KIF13B: variants seen among roughly 807,000 people sequenced by gnomAD.
The protein encoded by KIF13B is kinesin family member 13B.
Under a neutral mutation model 222.0 loss-of-function variants are expected in KIF13B, and 127 were observed. The ratio of observed to expected loss-of-function variants is 0.57; its 90% CI spans 0.50 to 0.66. The LOEUF is 0.66. Among genes scored for constraint, KIF13B ranks in the 30% least tolerant of loss-of-function variants. KIF13B has a pLI of 0.00. For synonymous variants in KIF13B, 976 were observed against 919.0 expected, an observed-to-expected ratio of 1.06 and a Z score of -1.12; for missense variants, 2,173 against 2,379.0, an observed-to-expected ratio of 0.91 and a Z score of 1.80.
Position 29,118,849 on chromosome 8 carries a change from CAA to C in KIF13B, c.3660+17_3660+18del. 6.2e-7 allele frequency: 1 copy of C among 1,612,538 alleles called. No individual in the cohort carries two copies. The highest frequency in any genetic ancestry group is 8.5e-7 in the Non-Finnish European group (1 of 1,179,314). ...GAAACCACTTTTCATCTGACCATCC[CAA>C]GTTAGGCTTTCCTTACCTCCCCATC... On this transcript the variant is annotated intron_variant, in intron 30 of 39. Transcript: ENST00000524189.
chr8:29,258,657 A>G (rs187044883), intron 1 of KIF13B, among the ~76,000 whole-genome samples: 136 of 152,144 alleles, frequency 8.9e-4, no homozygotes, highest in Middle Eastern at 3.4e-3. Flanking sequence ...CTCTCAGGCC[A>G]TACTTCCTCC....
chr8:29,139,810 CCAGCAGGT>C (rs1486159296), intron 21 of KIF13B, among the ~76,000 whole-genome samples: 11 of 152,106 alleles, frequency 7.2e-5, no homozygotes, highest in African/African-American at 1.2e-4. Flanking sequence ...TTCTCAGCCA[CCAGCAGGT>C]CTGGCTCACT....
intron 21 of KIF13B, among the ~76,000 whole-genome samples, chr8:29,139,593 T>A (rs549060686): frequency 6.6e-6 from 1 of 152,306 alleles, no homozygotes; most frequent in South Asian, 2.1e-4. Flanking sequence ...GGCTGACACG[T>A]AACTTACTCC....
At chr8:29,184,071 T>C (rs776663801) in intron 6 of KIF13B, among the ~76,000 whole-genome samples, 2 of 152,170 alleles carry the variant, frequency 1.3e-5, no homozygotes, top group African/African-American at 2.4e-5. Context: ...AAAGTAGATA[T>C]AGAATATTTG....
At chr8:29,127,050 C>T (rs923139391) in intron 25 of KIF13B, 72 bp downstream of exon 25, 3 of 1,392,414 alleles carry the variant, frequency 2.2e-6, no homozygotes, top group South Asian at 2.6e-5. Context: ...AAAGTAGTTT[C>T]GTACGGGTTC....
At chr8:29,112,774 G>T (rs1188591533) in intron 32 of KIF13B, among the ~76,000 whole-genome samples, 1 of 152,218 alleles carries the variant, frequency 6.6e-6, no homozygotes, top group Non-Finnish European at 1.5e-5. Context: ...GCACCTGGGT[G>T]AATGAATACA....
intron 2 of KIF13B, among the ~76,000 whole-genome samples, chr8:29,240,420 A>C (rs1348466757): frequency 6.6e-6 from 1 of 152,186 alleles, no homozygotes; most frequent in Non-Finnish European, 1.5e-5. Flanking sequence ...AAATTCAAGA[A>C]AGTGGTTAAC....
chr8:29,202,063 A>G (rs1262729803), intron 2 of KIF13B, among the ~76,000 whole-genome samples: 1 of 152,232 alleles, frequency 6.6e-6, no homozygotes, highest in Non-Finnish European at 1.5e-5. Flanking sequence ...GATAAATTCT[A>G]ATAGCAACAT....
At chr8:29,159,077 C>G (rs535613341) in intron 13 of KIF13B, among the ~76,000 whole-genome samples, 28 of 152,316 alleles carry the variant, frequency 1.8e-4, no homozygotes, top group Admixed American at 2.6e-4. Flanking sequence ...CGGTCACATT[C>G]ATATGAATAT....
chr8:29,081,882 T>C (rs1807831352), intron 37 of KIF13B, among the ~76,000 whole-genome samples: 1 of 152,262 alleles, frequency 6.6e-6, no homozygotes. Flanking sequence ...TGGAATTTTG[T>C]GTCTGGTCTT....
At position 29,072,047 on chromosome 8, in the gene KIF13B, G is replaced by C. The variant is rs1378583184; in HGVS notation, c.4791C>G (p.Thr1597=). 2.3e-6 allele frequency: 3 copies of C among 1,302,014 alleles called. No homozygotes were observed. The East Asian group carries it at 9.4e-5, about 41-fold the overall frequency. 80.7% of individuals were successfully genotyped at this position (1,302,014 alleles called of 1,614,324 possible). Residue 1597 remains threonine (T), a synonymous_variant, in exon 39 of 40, where the codon ACC becomes ACG. Transcript: ENST00000524189. ...GCGCCTCGGGCTCGGCCTCAGGGGC[G>C]GTGGGCATGGACCCCGGCGGGGCCG... ...DAAAPPGSMP[T]APEAEPEAPI... is the part of the protein sequence containing the mutation.
intron 12 of KIF13B, among the ~76,000 whole-genome samples, chr8:29,163,558 A>G (rs20516): frequency 0.52 from 78,817 of 152,132 alleles, 21,814 homozygotes; most frequent in Non-Finnish European, 0.63. Context: ...CAGAAGACTT[A>G]TTAACACTTT....
chr8:29,186,969 CAAAA>C (rs766708048), intron 5 of KIF13B, among the ~76,000 whole-genome samples: 2 of 68,672 alleles, frequency 2.9e-5, no homozygotes, highest in African/African-American at 5.3e-5. Context: ...ACTCCATCTC[CAAAA>C]AAAAAAAAAA....
At chr8:29,191,328 T>C (rs76903880) in intron 3 of KIF13B, among the ~76,000 whole-genome samples, 1,773 of 152,230 alleles carry the variant, frequency 0.012, 15 homozygotes, top group Non-Finnish European at 0.019. Context: ...ATTACATCTA[T>C]AGTTTATTTT....
chr8:29,234,280 C>T (rs1262714768), intron 2 of KIF13B, among the ~76,000 whole-genome samples: 3 of 151,834 alleles, frequency 2.0e-5, no homozygotes, highest in Non-Finnish European at 2.9e-5. Flanking sequence ...GTCCGTCGGC[C>T]GATGAATGGA....
At chr8:29,231,812 T>A (rs993340197) in intron 2 of KIF13B, among the ~76,000 whole-genome samples, 3 of 152,148 alleles carry the variant, frequency 2.0e-5, no homozygotes, top group African/African-American at 7.2e-5. Context: ...CATATATGTG[T>A]ATATGTAAAC....
In KIF13B at chr8:29,092,839, T is replaced by C. The variant is rs1246004618; in HGVS notation, c.4364A>G (p.Lys1455Arg). Residue 1455 changes from lysine to arginine, a missense_variant, in exon 37 of 40, where the codon AAA becomes AGA. By Grantham distance (26) the Lys-to-Arg change is conservative (BLOSUM62 2). Transcript: ENST00000524189. ...CTTTGGCATTTGCGGCACGAAGGATTTGACAGGATTCAAGTAGGATGCTGC... is the reference window on the plus strand; with the variant it reads ...CTTTGGCATTTGCGGCACGAAGGATCTGACAGGATTCAAGTAGGATGCTGC... Reference protein sequence around the residue: ...NLAASYLNPVKSFVPQMPKLL... With the variant: ...NLAASYLNPVRSFVPQMPKLL... The C allele has an allele frequency of 4.3e-6, 7 of 1,612,418 alleles. No individual in the cohort carries two copies. Among genetic ancestry groups the C allele is most frequent in the African/African-American group, 1.3e-5 (1 of 74,876 alleles).
intron 2 of KIF13B, among the ~76,000 whole-genome samples, chr8:29,206,425 C>A (rs538844427): frequency 5.5e-4 from 84 of 152,322 alleles, no homozygotes; most frequent in African/African-American, 2.0e-3. Context: ...CTGAAATTCA[C>A]TATAATTACT....
At chr8:29,253,548 T>G (rs1381202999) in intron 1 of KIF13B, among the ~76,000 whole-genome samples, 1 of 151,924 alleles carries the variant, frequency 6.6e-6, no homozygotes, top group Non-Finnish European at 1.5e-5. Flanking sequence ...AGAATGAGAC[T>G]CCATCTCTAA....
Sources: allele counts gnomAD v4.1 joint callset (sites outside exome capture counted in the v4.1 genomes callset), GRCh38; gene constraint gnomAD v4.1.1; transcripts MANE v1.5; gene names NCBI Gene and HGNC (gene_info 2026-07-23, HGNC 2026-07-21).